DOCK3: variants seen among roughly 807,000 people sequenced by gnomAD.
DOCK3 encodes dedicator of cytokinesis protein 3.
In DOCK3, 60 loss-of-function variants were observed where a neutral mutation model predicts 265.6. The observed-to-expected ratio is 0.23, with a 90% CI of 0.18 to 0.28. The LOEUF is 0.28. Among genes scored for constraint, DOCK3 ranks in the 10% least tolerant of loss-of-function variants. DOCK3 has a pLI of 1.00. For synonymous variants in DOCK3, 881 were observed against 938.0 expected (o/e 0.94, Z 1.11); for missense variants, 1,981 against 2,594.3 (o/e 0.76, Z 5.14).
chr3:50,817,450 C>A (rs1207589489), intron 2 of DOCK3, among the ~76,000 whole-genome samples: 1 of 152,016 alleles, frequency 6.6e-6, no homozygotes, highest in African/African-American at 2.4e-5. Flanking sequence ...AGCCACCATG[C>A]CAACTAATTA....
intron 5 of DOCK3, among the ~76,000 whole-genome samples, chr3:50,960,396 C>G (rs1165270109): frequency 6.6e-6 from 1 of 152,072 alleles, no homozygotes; most frequent in Non-Finnish European, 1.5e-5. Flanking sequence ...TAACCATTCT[C>G]TGTGTGAGAA....
chr3:50,736,872 A>G (rs1242337026), intron 1 of DOCK3, among the ~76,000 whole-genome samples: 4 of 151,296 alleles, frequency 2.6e-5, no homozygotes, highest in Admixed American at 6.6e-5. Context: ...AATTTTTTGT[A>G]TTTTTAGTAG....
chr3:51,081,623 T>C (rs980760241), intron 7 of DOCK3, among the ~76,000 whole-genome samples: 3 of 152,028 alleles, frequency 2.0e-5, no homozygotes, highest in Non-Finnish European at 4.4e-5. Flanking sequence ...AGGCCGGTCA[T>C]GGTGGCTCAC....
intron 1 of DOCK3, among the ~76,000 whole-genome samples, chr3:50,715,703 C>T (rs1276823978): frequency 6.6e-6 from 1 of 152,188 alleles, no homozygotes; most frequent in East Asian, 1.9e-4. Flanking sequence ...GCTGACTGCC[C>T]ATAGTTCCAA....
chr3:51,338,329 T>G (rs750523752), intron 35 of DOCK3, 30 bp from the exon 36 acceptor site: 3 of 1,551,238 alleles, frequency 1.9e-6, no homozygotes, highest in African/African-American at 1.4e-5. Flanking sequence ...CCACTTCATA[T>G]CTGGTGCTCA....
intron 1 of DOCK3, among the ~76,000 whole-genome samples, chr3:50,707,527 A>T (rs936753980): frequency 2.6e-5 from 4 of 152,056 alleles, no homozygotes; most frequent in African/African-American, 9.7e-5. Context: ...CTTTGGCTGT[A>T]ATGAGTGTCA....
At chr3:50,794,609 C>G (rs2042666465) in intron 2 of DOCK3, among the ~76,000 whole-genome samples, 1 of 152,012 alleles carries the variant, frequency 6.6e-6, no homozygotes, top group Admixed American at 6.6e-5. Context: ...CCCTTTATTT[C>G]AAGTCTGTGG....
At chr3:51,093,851 T>C (rs1156954693) in intron 9 of DOCK3, among the ~76,000 whole-genome samples, 1 of 152,228 alleles carries the variant, frequency 6.6e-6, no homozygotes, top group Non-Finnish European at 1.5e-5. Context: ...CATCAATACC[T>C]AGTTTGTTCA....
intron 22 of DOCK3, among the ~76,000 whole-genome samples, chr3:51,249,975 C>A (rs991937476): frequency 1.1e-4 from 17 of 151,424 alleles, no homozygotes; most frequent in African/African-American, 3.9e-4. Context: ...GTGACCTTAC[C>A]CCCAACCCTG....
At chr3:50,995,371 G>T (rs1278101743) in intron 5 of DOCK3, among the ~76,000 whole-genome samples, 4 of 152,202 alleles carry the variant, frequency 2.6e-5, no homozygotes, top group Non-Finnish European at 4.4e-5. Context: ...TAATGAAGAG[G>T]CATAGTCCTT....
intron 4 of DOCK3, among the ~76,000 whole-genome samples, chr3:50,893,683 A>G (rs1257598227): frequency 1.3e-5 from 2 of 151,998 alleles, no homozygotes; most frequent in African/African-American, 4.8e-5. Context: ...AGAGAGAGGA[A>G]GAGGGAGAGC....
intron 12 of DOCK3, among the ~76,000 whole-genome samples, chr3:51,181,444 A>G (rs1340043591): frequency 6.6e-6 from 1 of 151,930 alleles, no homozygotes; most frequent in Non-Finnish European, 1.5e-5. Flanking sequence ...AGCTTCATCC[A>G]TGTCCCTACA....
intron 5 of DOCK3, among the ~76,000 whole-genome samples, chr3:50,938,553 G>C (rs955245307): frequency 3.3e-5 from 5 of 151,798 alleles, no homozygotes; most frequent in Admixed American, 6.6e-5. Flanking sequence ...AATAATTGAA[G>C]TCATACAAAG....
At chr3:51,302,482 T>G (rs1417789721) in intron 27 of DOCK3, among the ~76,000 whole-genome samples, 3 of 152,200 alleles carry the variant, frequency 2.0e-5, no homozygotes, top group African/African-American at 7.2e-5. Context: ...GCTAGCTGAT[T>G]ATTTTGCAGA....
chr3:50,714,851 T>G (rs1037102598), intron 1 of DOCK3, among the ~76,000 whole-genome samples: 1 of 152,244 alleles, frequency 6.6e-6, no homozygotes, highest in Non-Finnish European at 1.5e-5. Flanking sequence ...GCACATGCTC[T>G]TCTAACACTT....
At chr3:51,170,980 A>G (rs907441007) in intron 12 of DOCK3, among the ~76,000 whole-genome samples, 2 of 149,204 alleles carry the variant, frequency 1.3e-5, no homozygotes, top group African/African-American at 4.9e-5. Context: ...AATTTAATTT[A>G]GCTTTCCAAG....
chr3:50,971,197 G>C (rs1350236209), intron 5 of DOCK3, among the ~76,000 whole-genome samples: 2 of 151,258 alleles, frequency 1.3e-5, no homozygotes, highest in African/African-American at 4.9e-5. Context: ...ATTTTGGTTA[G>C]TATGATCTAT....
Position 51,314,433 on chromosome 3 carries a change from A to G in DOCK3, c.3254-547A>G, listed in dbSNP as rs1010310654. On this transcript the variant is annotated intron_variant, in intron 31 of 52. Coordinates refer to ENST00000266037, the MANE Select transcript of DOCK3 (RefSeq NM_004947.5). Reference sequence around the variant, plus strand: ...TAGGGCTGTGCAGGAGACTCCTGCTAGCTCAGGAGGAGGACTTCTTTGGCA... The same window carrying G: ...TAGGGCTGTGCAGGAGACTCCTGCTGGCTCAGGAGGAGGACTTCTTTGGCA... Among the ~76,000 whole-genome samples the G allele has an allele frequency of 3.9e-5, 6 of 152,348 alleles. No individual in the cohort carries two copies. In the South Asian group the frequency reaches 1.2e-3, roughly 32 times the overall value.
Position 51,014,795 on chromosome 3 carries a change from A to G in DOCK3, c.316-49653A>G, listed in dbSNP as rs1182818348. 2.0e-5 allele frequency among the ~76,000 whole-genome samples: 3 copies of G among 152,008 alleles called. No homozygotes were observed. The East Asian group carries it at 5.8e-4, about 29-fold the overall frequency. On this transcript the variant is annotated intron_variant, in intron 5 of 52. Transcript: ENST00000266037. ...CTTCCAATCCATGGACTATCTTTCCATTTAGTGTCCTCTTCAATTTCTTTC... is the reference window on the plus strand; with the variant it reads ...CTTCCAATCCATGGACTATCTTTCCGTTTAGTGTCCTCTTCAATTTCTTTC...
Sources: gnomAD v4.1 joint callset for allele counts (sites outside exome capture counted in the v4.1 genomes callset) on GRCh38, gnomAD v4.1.1 for gene constraint, MANE v1.5 for transcripts, NCBI Gene and HGNC (gene_info 2026-07-23, HGNC 2026-07-21) for gene names.